Variants in REPS1 observed in about 807,000 individuals in gnomAD.
REPS1 encodes the protein ralBP1-associated Eps domain-containing protein 1.
A neutral mutation model predicts 100.9 loss-of-function variants in REPS1; 39 were observed. That is an observed-to-expected ratio of 0.39 (90% CI 0.30 to 0.50). The LOEUF (loss-of-function observed/expected upper bound fraction) is 0.50. Ranked by LOEUF, REPS1 falls within the 20% of genes least tolerant of loss-of-function variation. The pLI, the probability that REPS1 is intolerant of heterozygous loss-of-function variation, is 0.86. For synonymous variants in REPS1, 324 were observed against 340.3 expected, an observed-to-expected ratio of 0.95 and a Z score of 0.53; for missense variants, 821 against 968.5, an observed-to-expected ratio of 0.85 and a Z score of 2.02.
Position 138,988,064 on chromosome 6 carries a change from C to T in REPS1, c.-382G>A, listed in dbSNP as rs1384437909. On this transcript the variant is annotated 5_prime_UTR_variant, in exon 1 of 20. Transcript: ENST00000450536. ...GAGTCTCCCCGGCTCCCTGCCGATT[C>T]CCCCAGACTTCCCGCCTCGGCTTCC... 7.5e-6 allele frequency: 3 copies of T among 397,526 alleles called. No homozygotes were observed. Among genetic ancestry groups the T allele is most frequent in the South Asian group, 1.3e-4 (1 of 7,858 alleles). The allele number at this position is 397,526 out of a possible 1,614,324, so 24.6% of individuals were successfully genotyped here.
At chr6:138,976,906 C>T (rs929460483) in intron 1 of REPS1, among the ~76,000 whole-genome samples, 1 of 152,164 alleles carries the variant, frequency 6.6e-6, no homozygotes, top group Admixed American at 6.5e-5. Context: ...TCTATCAGTA[C>T]ATCATCTTTC....
At chr6:138,987,282 C>T (rs1785321627) in intron 1 of REPS1, among the ~76,000 whole-genome samples, 1 of 152,224 alleles carries the variant, frequency 6.6e-6, no homozygotes, top group South Asian at 2.1e-4. Context: ...TTCTCAGGGT[C>T]GTGGGGGATA....
intron 8 of REPS1, among the ~76,000 whole-genome samples, chr6:138,935,430 T>C (rs1781744107): frequency 6.6e-6 from 1 of 152,012 alleles, no homozygotes; most frequent in Admixed American, 6.6e-5. Flanking sequence ...TAGCTAAACA[T>C]GGGAAAAAAT....
At chr6:138,968,459 C>T (rs1206578015) in intron 1 of REPS1, among the ~76,000 whole-genome samples, 4 of 152,140 alleles carry the variant, frequency 2.6e-5, no homozygotes, top group Non-Finnish European at 5.9e-5. Flanking sequence ...TAGAAATCAG[C>T]AGAGCCAAGA....
In REPS1 at chr6:138,905,043, T is replaced by C. The variant is rs753725645; in HGVS notation, c.*21A>G. 5 of 1,612,890 alleles carry C rather than the reference T, an allele frequency of 3.1e-6. No homozygotes were observed. In the East Asian group the frequency reaches 1.1e-4, roughly 36 times the overall value. ...CAAAACCACTTAAAAACAAGTATGT[T>C]CACAGTTAACGGCAATTGGCTTATA... On this transcript the variant is annotated 3_prime_UTR_variant, in exon 20 of 20. Coordinates refer to ENST00000450536, the MANE Select transcript of REPS1 (RefSeq NM_001286611.2).
chr6:138,946,316 C>T (rs1027334194), intron 2 of REPS1, among the ~76,000 whole-genome samples: 1 of 152,148 alleles, frequency 6.6e-6, no homozygotes, highest in Non-Finnish European at 1.5e-5. Flanking sequence ...TTATGTTTCT[C>T]CTACAGCCAG....
chr6:138,955,670 T>C (rs970189790), intron 1 of REPS1, among the ~76,000 whole-genome samples: 3 of 151,902 alleles, frequency 2.0e-5, no homozygotes, highest in African/African-American at 7.3e-5. Flanking sequence ...AATGTTTCAT[T>C]CCATAATATT....
At chr6:138,948,244 T>A (rs1473456129) in intron 1 of REPS1, among the ~76,000 whole-genome samples, 2 of 152,200 alleles carry the variant, frequency 1.3e-5, no homozygotes, top group African/African-American at 4.8e-5. Flanking sequence ...AATAGGACCA[T>A]GTGACTAAGA....
chr6:138,911,418 T>C (rs1415706394), intron 16 of REPS1, 47 bp from the exon 17 acceptor site: 1 of 1,167,792 alleles, frequency 8.6e-7, no homozygotes, highest in South Asian at 1.3e-5. Flanking sequence ...TAACATGTAA[T>C]TATGCATAAA....
chr6:138,973,129 G>A (rs1297891287), intron 1 of REPS1, among the ~76,000 whole-genome samples: 2 of 152,196 alleles, frequency 1.3e-5, no homozygotes, highest in Admixed American at 1.3e-4. Context: ...TTGTATACAA[G>A]TGCAAACATA....
chr6:138,957,154 G>A (rs779580066), intron 1 of REPS1, among the ~76,000 whole-genome samples: 13 of 152,088 alleles, frequency 8.5e-5, no homozygotes, highest in Non-Finnish European at 1.5e-4. Flanking sequence ...AAAGCTAAAG[G>A]ACACAAGTTT....
At chr6:138,911,036 T>C (rs1779970399) in intron 17 of REPS1, 1 of 379,616 alleles carries the variant, frequency 2.6e-6, no homozygotes, top group South Asian at 4.4e-5. Context: ...AGTTCTACCT[T>C]ATATAGTGGG....
Position 138,941,497 on chromosome 6 carries a change from A to AT in REPS1, c.981-9dup. ...TCAAAGTCTGAGAGTTCCCTAGAAG[A>AT]TAAGTTTATTGTGAATATAATCACA... is the stretch of plus-strand genomic sequence containing the variant. On this transcript the variant is annotated splice_polypyrimidine_tract_variant and intron_variant, in intron 7 of 19. Coordinates refer to ENST00000450536, the MANE Select transcript of REPS1 (RefSeq NM_001286611.2). 1.2e-6 allele frequency: 2 copies of AT among 1,612,158 alleles called. No homozygotes were observed. The highest frequency in any genetic ancestry group is 1.1e-5 in the South Asian group (1 of 90,884).
chr6:138,911,379 T>C lies in REPS1; in HGVS notation c.1972-8A>G, dbSNP rs772886752. On this transcript the variant is annotated splice_region_variant and splice_polypyrimidine_tract_variant and intron_variant, in intron 16 of 19. Coordinates refer to ENST00000450536, the MANE Select transcript of REPS1 (RefSeq NM_001286611.2). The stretch of plus-strand genomic sequence containing the variant: ...ATCAGAAGCTTTTTCAGCCTAAAAA[T>C]GAATATGTTTATCACTATTAATTCT... The C allele has an allele frequency of 7.0e-6, 11 of 1,570,260 alleles. No homozygotes were observed. The Admixed American group carries it at 1.7e-4, about 24-fold the overall frequency.
intron 8 of REPS1, among the ~76,000 whole-genome samples, chr6:138,932,711 C>T (rs1435836926): frequency 6.6e-6 from 1 of 152,150 alleles, no homozygotes; most frequent in East Asian, 1.9e-4. Context: ...TCGTGGAACA[C>T]CATTTTTCCT....
In REPS1 at chr6:138,987,889, T is replaced by C. The variant is rs1301019261; in HGVS notation, c.-207A>G. 1.1e-5 allele frequency: 5 copies of C among 447,298 alleles called. No homozygotes were observed. Among genetic ancestry groups the C allele is most frequent in the Non-Finnish European group, 1.8e-5 (5 of 278,314 alleles). 27.7% of individuals were successfully genotyped at this position (447,298 alleles called of 1,614,324 possible). On this transcript the variant is annotated 5_prime_UTR_variant, in exon 1 of 20. Transcript: ENST00000450536. ...GGCCCGGCTGCGCTCGCCGCGCCGC[T>C]GCCTGCGAGGCCCGGCGCGCGGCTG...
In REPS1 at chr6:138,987,911, G is replaced by A. The variant is rs1344365688; in HGVS notation, c.-229C>T. On this transcript the variant is annotated 5_prime_UTR_variant, in exon 1 of 20. Coordinates refer to ENST00000450536, the MANE Select transcript of REPS1 (RefSeq NM_001286611.2). The stretch of plus-strand genomic sequence containing the variant: ...CGCTGCCTGCGAGGCCCGGCGCGCG[G>A]CTGCGGCTGCGGCTGCGACTACGGC... 1.3e-5 allele frequency: 5 copies of A among 376,346 alleles called. No individual in the cohort carries two copies. Among genetic ancestry groups the A allele is most frequent in the African/African-American group, 2.1e-5 (1 of 47,350 alleles). The allele number at this position is 376,346 out of a possible 1,614,324, so 23.3% of individuals were successfully genotyped here. A position where few individuals can be genotyped will look rare whatever the true frequency, so the allele number is the denominator to read the frequency against.
intron 7 of REPS1, among the ~76,000 whole-genome samples, chr6:138,942,320 T>C (rs1053775835): frequency 1.3e-5 from 2 of 152,218 alleles, no homozygotes; most frequent in Admixed American, 6.5e-5. Flanking sequence ...CAGTTTTAGG[T>C]GTTATCTACC....
chr6:138,910,585 T>G (rs2128426939), intron 17 of REPS1, among the ~76,000 whole-genome samples: 1 of 152,138 alleles, frequency 6.6e-6, no homozygotes, highest in Middle Eastern at 3.4e-3. Flanking sequence ...AACTCCTGAG[T>G]TCAAGTGATC....
Sources: allele counts gnomAD v4.1 joint callset (sites outside exome capture counted in the v4.1 genomes callset), GRCh38; gene constraint gnomAD v4.1.1; transcripts MANE v1.5; gene names NCBI Gene and HGNC (gene_info 2026-07-23, HGNC 2026-07-21).